The following TP63 variants were observed in gnomAD, a reference collection of about 807,000 sequenced individuals.
TP63 encodes tumor protein 63.
A neutral mutation model predicts 82.8 loss-of-function variants in TP63; 17 were observed. The observed-to-expected ratio is 0.21, with a 90% CI of 0.14 to 0.31. The LOEUF (loss-of-function observed/expected upper bound fraction) is 0.31. Ranked by LOEUF, TP63 falls within the 10% of genes least tolerant of loss-of-function variation. The probability of loss-of-function intolerance (pLI) is 1.00; values close to 1 mark genes in which losing one functional copy is unlikely to be tolerated. For missense variants in TP63, 648 were observed against 895.3 expected, an observed-to-expected ratio of 0.72 and a Z score of 3.52; for synonymous variants, 330 against 321.7, an observed-to-expected ratio of 1.03 and a Z score of -0.28.
At chr3:189,699,183 A>G (rs1006584180) in intron 1 of TP63, among the ~76,000 whole-genome samples, 3 of 151,378 alleles carry the variant, frequency 2.0e-5, no homozygotes, top group Admixed American at 6.6e-5. Flanking sequence ...CCTCATTTTA[A>G]CACTCACAGT....
chr3:189,872,772 G>A (rs1282832714), intron 9 of TP63, 87 bp from the exon 10 acceptor site: 2 of 1,559,142 alleles, frequency 1.3e-6, no homozygotes, highest in Admixed American at 1.7e-5. Flanking sequence ...TGCAATTACG[G>A]AATCCTCAAA....
At chr3:189,847,478 T>C (rs542722949) in intron 4 of TP63, among the ~76,000 whole-genome samples, 9 of 152,378 alleles carry the variant, frequency 5.9e-5, no homozygotes, top group African/African-American at 2.2e-4. Context: ...TCATGTAAGT[T>C]GCCAGTTATT....
At chr3:189,752,961 C>A (rs1034115320) in intron 3 of TP63, among the ~76,000 whole-genome samples, 1 of 152,030 alleles carries the variant, frequency 6.6e-6, no homozygotes, top group Non-Finnish European at 1.5e-5. Flanking sequence ...TTTTCTGTTA[C>A]CTTTCTATAC....
At chr3:189,856,937 T>C (rs997397873) in intron 4 of TP63, among the ~76,000 whole-genome samples, 1 of 152,086 alleles carries the variant, frequency 6.6e-6, no homozygotes, top group African/African-American at 2.4e-5. Flanking sequence ...ATTGCTAAGG[T>C]ATCAGTTCTC....
intron 5 of TP63, among the ~76,000 whole-genome samples, chr3:189,865,266 A>T (rs991455812): frequency 6.6e-6 from 1 of 152,226 alleles, no homozygotes; most frequent in East Asian, 1.9e-4. Context: ...GGCCTAGAGC[A>T]TACTGTGGCC....
At chr3:189,837,065 C>T (rs894724082) in intron 4 of TP63, among the ~76,000 whole-genome samples, 2 of 152,094 alleles carry the variant, frequency 1.3e-5, no homozygotes, top group African/African-American at 2.4e-5. Flanking sequence ...CTGTGAGTAC[C>T]GTGTTCTTCA....
intron 1 of TP63, among the ~76,000 whole-genome samples, chr3:189,656,777 A>G (rs1713408336): frequency 6.6e-6 from 1 of 152,124 alleles, no homozygotes; most frequent in Admixed American, 6.6e-5. Flanking sequence ...TAATTCTCTA[A>G]GAATACATAG....
chr3:189,859,301 AGG>A (rs1313343034), intron 4 of TP63, among the ~76,000 whole-genome samples: 2 of 152,188 alleles, frequency 1.3e-5, no homozygotes, highest in Non-Finnish European at 2.9e-5. Flanking sequence ...TGTGTTACAA[AGG>A]GGGAGAACAC....
chr3:189,842,417 A>C (rs112199940), intron 4 of TP63, among the ~76,000 whole-genome samples: 3 of 152,274 alleles, frequency 2.0e-5, no homozygotes, highest in African/African-American at 7.2e-5. Context: ...TTCTGGTGTG[A>C]TATTTTCTCT....
In TP63 at chr3:189,771,329, T is replaced by A. The variant is rs920471678; in HGVS notation, c.324+32555T>A. On this transcript the variant is annotated intron_variant, in intron 3 of 13. Transcript: ENST00000264731. ...ATATATAATATATTATATATTTATA[T>A]ATAATATATATTTATATAATATATT... 1.0e-4 allele frequency among the ~76,000 whole-genome samples: 14 copies of A among 137,846 alleles called. 1 individual carries two copies. The East Asian group carries it at 2.6e-3, about 25-fold the overall frequency. 90.4% of individuals were successfully genotyped at this position (137,846 alleles called of 152,430 possible).
At chr3:189,855,051 T>C (rs1716117977) in intron 4 of TP63, among the ~76,000 whole-genome samples, 1 of 152,128 alleles carries the variant, frequency 6.6e-6, no homozygotes. Flanking sequence ...ATACACATAC[T>C]GAAGACAAAT....
In TP63 at chr3:189,868,697, C is replaced by A. The variant is rs375593834; in HGVS notation, c.1110C>A (p.Asn370Lys). Reference sequence around the variant, plus strand: ...AGCAAGTTTCGGACAGTACAAAGAACGGTGATGGTACGAAGCGCCGTAAGT... The same window carrying A: ...AGCAAGTTTCGGACAGTACAAAGAAAGGTGATGGTACGAAGCGCCGTAAGT... ...RKQQVSDSTK[N>K]GDGTKRPFRQ... is the part of the protein sequence containing the mutation. Residue 370 changes from asparagine (N) to lysine (K), a missense_variant, in exon 8 of 14, where the codon AAC (asparagine) becomes AAA (lysine). By Grantham distance (94) the Asn-to-Lys change is moderately conservative. This residue lies in a region of TP63 where 342 missense variants were observed against 425.7 expected (regional missense o/e 0.80). Coordinates refer to ENST00000264731, the MANE Select transcript of TP63 (RefSeq NM_003722.5). 6.2e-7 allele frequency: 1 copy of A among 1,613,984 alleles called. No homozygotes were observed.
At chr3:189,787,657 T>G (rs150303702) in intron 3 of TP63, among the ~76,000 whole-genome samples, 1 of 152,200 alleles carries the variant, frequency 6.6e-6, no homozygotes, top group Non-Finnish European at 1.5e-5. Flanking sequence ...TGTTTACATT[T>G]TTAGTGGATA....
chr3:189,617,716 A>G, the TP63 span, among the ~76,000 whole-genome samples: 1 of 152,214 alleles, frequency 6.6e-6, no homozygotes, highest in African/African-American at 2.4e-5. Context: ...TAGTGAGTAG[A>G]GGGCAGATAC....
intron 1 of TP63, among the ~76,000 whole-genome samples, chr3:189,684,108 TAAC>T (rs1283581120): frequency 1.3e-5 from 2 of 152,186 alleles, no homozygotes; most frequent in Non-Finnish European, 2.9e-5. Flanking sequence ...TGTACAAATA[TAAC>T]AACACCTTAA....
At chr3:189,734,129 TC>T (rs1186268216) in intron 1 of TP63, among the ~76,000 whole-genome samples, 4,380 of 137,962 alleles carry the variant, frequency 0.032, 135 homozygotes, top group Middle Eastern at 0.052. Flanking sequence ...TTTCTCTCTT[TC>T]CCTCCCTCCC....
intron 4 of TP63, among the ~76,000 whole-genome samples, chr3:189,815,517 A>T (rs12630260): frequency 1.3e-5 from 2 of 151,920 alleles, no homozygotes; most frequent in African/African-American, 4.8e-5. Flanking sequence ...ATATTAAATT[A>T]ATTATCACAA....
intron 1 of TP63, among the ~76,000 whole-genome samples, chr3:189,655,535 T>C (rs1367209650): frequency 6.6e-6 from 1 of 152,050 alleles, no homozygotes; most frequent in Non-Finnish European, 1.5e-5. Context: ...GGAAAGAGAA[T>C]TGCTTGAACC....
intron 4 of TP63, among the ~76,000 whole-genome samples, chr3:189,826,826 G>C (rs1711516252): frequency 6.6e-6 from 1 of 152,154 alleles, no homozygotes; most frequent in Non-Finnish European, 1.5e-5. Context: ...TTAGTTGAAG[G>C]CCCCATACTA....
Sources: gnomAD v4.1 joint callset for allele counts (sites outside exome capture counted in the v4.1 genomes callset) on GRCh38, gnomAD v4.1.1 for gene constraint, gnomAD v4.1.1 regional missense constraint, MANE v1.5 for transcripts, NCBI Gene and HGNC (gene_info 2026-07-23, HGNC 2026-07-21) for gene names.